The following FANK1 variants were observed in gnomAD, a reference collection of about 807,000 sequenced individuals.
FANK1 encodes fibronectin type 3 and ankyrin repeat domains protein 1.
Under a neutral mutation model 45.3 loss-of-function variants are expected in FANK1, and 44 were observed. That is an observed-to-expected ratio of 0.97 (90% CI 0.76 to 1.25). The LOEUF is 1.25. Ranked by LOEUF, FANK1 falls within the 50% of genes most tolerant of loss-of-function variation. FANK1 has a pLI of 0.00. For missense variants in FANK1, 391 were observed against 424.4 expected (o/e 0.92, Z 0.69); for synonymous variants, 149 against 152.5 (o/e 0.98, Z 0.17).
chr10:125,994,139 G>C (rs1952135910), intron 3 of FANK1, among the ~76,000 whole-genome samples: 1 of 151,756 alleles, frequency 6.6e-6, no homozygotes, highest in Admixed American at 6.6e-5. Flanking sequence ...TGAGCCCCAG[G>C]AGGTGGCGTA....
intron 1 of FANK1, among the ~76,000 whole-genome samples, chr10:125,956,965 C>T (rs779688129): frequency 6.6e-6 from 1 of 152,196 alleles, no homozygotes; most frequent in Non-Finnish European, 1.5e-5. Flanking sequence ...AGCGATTCTC[C>T]TGCCTCAGCC....
chr10:125,970,630 CG>C (rs1320437956), intron 1 of FANK1, among the ~76,000 whole-genome samples: 1 of 152,186 alleles, frequency 6.6e-6, no homozygotes, highest in East Asian at 1.9e-4. Flanking sequence ...CGGGCCAACA[CG>C]GCGAAACCCC....
chr10:125,919,304 C>T (rs757965241), intron 1 of FANK1, among the ~76,000 whole-genome samples: 30 of 139,044 alleles, frequency 2.2e-4, no homozygotes, highest in Non-Finnish European at 4.4e-4. Flanking sequence ...TTCCCGGTTT[C>T]AAGCAATTCT....
At chr10:125,902,464 T>TA (rs771821260) in intron 1 of FANK1, among the ~76,000 whole-genome samples, 1 of 152,164 alleles carries the variant, frequency 6.6e-6, no homozygotes, top group East Asian at 1.9e-4. Flanking sequence ...GTGGTGTACT[T>TA]AAAAAAAGAA....
chr10:125,918,101 G>C (rs1946604296), intron 1 of FANK1, among the ~76,000 whole-genome samples: 1 of 152,292 alleles, frequency 6.6e-6, no homozygotes, highest in Non-Finnish European at 1.5e-5. Context: ...AAAAAGGGTA[G>C]TTTGGTGGTT....
intron 1 of FANK1, among the ~76,000 whole-genome samples, chr10:125,978,367 C>T (rs978881893): frequency 3.1e-4 from 47 of 152,168 alleles, no homozygotes; most frequent in African/African-American, 9.2e-4. Flanking sequence ...GCTAGGGGTC[C>T]GCTTCAGCCC....
At position 126,004,999 on chromosome 10, in the gene FANK1, G is replaced by C; in HGVS notation, c.655G>C (p.Asp219His). The C allele has an allele frequency of 6.2e-7, 1 of 1,614,210 alleles. No homozygotes were observed. The highest frequency in any genetic ancestry group is 1.3e-5 in the African/African-American group (1 of 75,074). The change falls in exon 7 of 11, where the codon GAT becomes CAT. Residue 219 changes from aspartate to histidine, a missense_variant. By Grantham distance (81) the Asp-to-His change is moderately conservative. Transcript: ENST00000368693. ...GGCTALHWAA[D>H]GGHCSVIEWM... ...CTGTACAGCTCTGCACTGGGCTGCA[G>C]ATGGAGGCCACTGCAGTGTGATTGA...
At chr10:125,906,363 A>G (rs1226193819) in intron 1 of FANK1, among the ~76,000 whole-genome samples, 1 of 151,944 alleles carries the variant, frequency 6.6e-6, no homozygotes, top group Admixed American at 6.6e-5. Flanking sequence ...TAAAACTACA[A>G]AAATCAGCTG....
At chr10:125,979,266 T>G (rs971158438) in intron 1 of FANK1, among the ~76,000 whole-genome samples, 2 of 152,152 alleles carry the variant, frequency 1.3e-5, no homozygotes, top group African/African-American at 2.4e-5. Flanking sequence ...GTTGAAGGTG[T>G]TGTATTCACT....
chr10:125,938,841 A>G (rs1273621677), intron 1 of FANK1, among the ~76,000 whole-genome samples: 2 of 152,074 alleles, frequency 1.3e-5, no homozygotes, highest in Non-Finnish European at 2.9e-5. Flanking sequence ...AACTCTAGGG[A>G]GTGGTAAAAG....
chr10:125,975,194 G>C (rs1433623398), intron 1 of FANK1, among the ~76,000 whole-genome samples: 1 of 152,108 alleles, frequency 6.6e-6, no homozygotes, highest in East Asian at 1.9e-4. Flanking sequence ...TTTTATGGCT[G>C]CATAATATTT....
At chr10:126,000,448 G>A (rs1952671310) in intron 6 of FANK1, among the ~76,000 whole-genome samples, 1 of 152,130 alleles carries the variant, frequency 6.6e-6, no homozygotes, top group Non-Finnish European at 1.5e-5. Flanking sequence ...CCCTATCTAC[G>A]TAAGAACCTG....
intron 3 of FANK1, among the ~76,000 whole-genome samples, chr10:125,991,276 T>A (rs1457214113): frequency 6.7e-6 from 1 of 149,762 alleles, no homozygotes; most frequent in Non-Finnish European, 1.5e-5. Context: ...TGTGTGTGTG[T>A]GTTGGGGGAG....
At chr10:125,948,427 G>C (rs1267593602) in intron 1 of FANK1, among the ~76,000 whole-genome samples, 1 of 151,814 alleles carries the variant, frequency 6.6e-6, no homozygotes, top group South Asian at 2.1e-4. Flanking sequence ...ATAATAAAGG[G>C]GATATCACCA....
At chr10:125,964,176 TTC>T (rs1312262286) in intron 1 of FANK1, among the ~76,000 whole-genome samples, 28 of 148,974 alleles carry the variant, frequency 1.9e-4, no homozygotes, top group African/African-American at 9.9e-5. Flanking sequence ...GATTATATCA[TTC>T]TCTCTCTCTT....
chr10:125,948,478 C>T (rs1399032339), intron 1 of FANK1, among the ~76,000 whole-genome samples: 1 of 152,114 alleles, frequency 6.6e-6, no homozygotes, highest in Non-Finnish European at 1.5e-5. Flanking sequence ...GAGAATACTA[C>T]AAACACCTCT....
intron 1 of FANK1, among the ~76,000 whole-genome samples, chr10:125,955,539 G>T (rs1416638259): frequency 1.3e-5 from 2 of 152,066 alleles, no homozygotes; most frequent in African/African-American, 2.4e-5. Flanking sequence ...GGAGTGCAGT[G>T]GTGCGATCAT....
intron 1 of FANK1, among the ~76,000 whole-genome samples, chr10:125,913,064 A>G (rs1946155123): frequency 6.6e-6 from 1 of 152,254 alleles, no homozygotes; most frequent in East Asian, 1.9e-4. Flanking sequence ...GTGAGCCCAC[A>G]AAACATAATT....
At chr10:125,995,020 C>CA in intron 3 of FANK1, 1 of 674,996 alleles carries the variant, frequency 1.5e-6, no homozygotes, top group Non-Finnish European at 1.8e-6. Flanking sequence ...AGCACTTTGT[C>CA]TTTTTTTTTT....
Sources: gnomAD v4.1 joint callset for allele counts (sites outside exome capture counted in the v4.1 genomes callset) on GRCh38, gnomAD v4.1.1 for gene constraint, MANE v1.5 for transcripts, NCBI Gene and HGNC (gene_info 2026-07-23, HGNC 2026-07-21) for gene names.